TMEM266: variants seen among roughly 807,000 people sequenced by gnomAD.
TMEM266 encodes the protein transmembrane protein 266.
TMEM266 carries 33 observed loss-of-function variants against 50.5 expected under a neutral mutation model. The ratio of observed to expected loss-of-function variants is 0.65; its 90% CI spans 0.50 to 0.87. TMEM266 has a LOEUF of 0.87. Ranked by LOEUF, TMEM266 falls within the 40% of genes least tolerant of loss-of-function variation. The pLI is 0.00. For missense variants in TMEM266, 655 were observed against 695.1 expected (o/e 0.94, Z 0.65); for synonymous variants, 310 against 292.3 (o/e 1.06, Z -0.62).
intron 1 of TMEM266, among the ~76,000 whole-genome samples, chr15:76,086,743 T>C (rs1382516754): frequency 1.3e-5 from 2 of 152,120 alleles, no homozygotes; most frequent in African/African-American, 4.8e-5. Flanking sequence ...AGTTACAAAG[T>C]TATACCCTAT....
chr15:76,071,403 G>T (rs887065328), intron 1 of TMEM266, among the ~76,000 whole-genome samples: 7 of 152,152 alleles, frequency 4.6e-5, no homozygotes, highest in Non-Finnish European at 8.8e-5. Context: ...GAAAGATGAG[G>T]CATTCAAGGA....
At chr15:76,149,393 G>C (rs1380559849) in intron 3 of TMEM266, among the ~76,000 whole-genome samples, 1 of 152,084 alleles carries the variant, frequency 6.6e-6, no homozygotes, top group African/African-American at 2.4e-5. Context: ...ACCCTCCTGG[G>C]CCCAGTACCC....
chr15:76,203,738 C>T lies in TMEM266; in HGVS notation c.1022-3C>T, dbSNP rs2038787209. 6.2e-7 allele frequency: 1 copy of T among 1,609,110 alleles called. No individual in the cohort carries two copies. Among genetic ancestry groups the T allele is most frequent in the East Asian group, 2.2e-5 (1 of 44,794 alleles). ...GTGACCAAGATCCCCTCCTACCTTG[C>T]AGACAGCGGTGTCCCAGAGCCAGCT... On this transcript the variant is annotated splice_polypyrimidine_tract_variant and splice_region_variant and intron_variant, in intron 10 of 10. Coordinates refer to ENST00000388942, the MANE Select transcript of TMEM266 (RefSeq NM_152335.3).
rs760825951 is a variant in TMEM266, at chr15:76,204,132, G to C, written c.1413G>C (p.Ser471=). 1 of 1,613,290 alleles carries C rather than the reference G, an allele frequency of 6.2e-7. No individual in the cohort carries two copies. Among genetic ancestry groups the C allele is most frequent in the African/African-American group, 1.3e-5 (1 of 75,036 alleles). ...TCGCCCGGCCCAGCCCAGCGGGCTC[G>C]GCCCAAACCAGCCCCGAGCTGGAAC... Residue 471 remains serine, a synonymous_variant, in exon 11 of 11, where the codon TCG becomes TCC. Coordinates refer to ENST00000388942, the MANE Select transcript of TMEM266 (RefSeq NM_152335.3).
chr15:76,180,862 C>A (rs1261016491), intron 8 of TMEM266: 1 of 152,104 alleles, frequency 6.6e-6, no homozygotes, highest in African/African-American at 2.4e-5. Context: ...GATCCACCCG[C>A]CTCACCCTCC....
rs58869632 is a variant in TMEM266 at position 76,132,813 on chromosome 15, A to AATTATTATTATTATT, written c.-96-1332_-96-1318dup. Among the ~76,000 whole-genome samples the AATTATTATTATTATT allele has an allele frequency of 3.0e-4, 40 of 135,022 alleles. 1 individual carries two copies. Among genetic ancestry groups the AATTATTATTATTATT allele is most frequent in the Admixed American group, 1.8e-3 (24 of 13,032 alleles). The allele number at this position is 135,022 out of a possible 152,430, so 88.6% of individuals were successfully genotyped here. A position where few individuals can be genotyped will look rare whatever the true frequency, so the allele number is the denominator to read the frequency against. ...CTGTCTCTCAAATAATAATAATAGT[A>AATTATTATTATTATT]ATTATTATTATTATTATTATTATTA... On this transcript the variant is annotated intron_variant, in intron 1 of 10. Coordinates refer to ENST00000388942, the MANE Select transcript of TMEM266 (RefSeq NM_152335.3).
chr15:76,132,441 A>G (rs912921091), intron 1 of TMEM266, among the ~76,000 whole-genome samples: 2 of 152,142 alleles, frequency 1.3e-5, no homozygotes, highest in Non-Finnish European at 2.9e-5. Context: ...ATATTCAGCC[A>G]TCTAAATGTG....
Position 76,203,866 on chromosome 15 carries a change from A to T in TMEM266, c.1147A>T (p.Ser383Cys). Reference sequence around the variant, plus strand: ...CCTCAAACTCGGCGGTAATGGCACCAGCGCCACCTCGGAGAGTGCCTCCCG... The same window carrying T: ...CCTCAAACTCGGCGGTAATGGCACCTGCGCCACCTCGGAGAGTGCCTCCCG... The change falls in exon 11 of 11, where the codon AGC (serine) becomes TGC (cysteine). Residue 383 changes from serine (S) to cysteine (C), a missense_variant. By Grantham distance (112) the Ser-to-Cys change is moderately radical. This residue lies in a region of TMEM266 where 455 missense variants were observed against 401.8 expected (regional missense o/e 1.13). Transcript: ENST00000388942. 6.2e-7 allele frequency: 1 copy of T among 1,614,182 alleles called. No individual in the cohort carries two copies.
intron 8 of TMEM266, among the ~76,000 whole-genome samples, chr15:76,184,642 A>C (rs1354234789): frequency 6.6e-6 from 1 of 152,240 alleles, no homozygotes; most frequent in Non-Finnish European, 1.5e-5. Flanking sequence ...CAAAGTGTGC[A>C]TTGATCAGGA....
chr15:76,106,393 T>A (rs1267172071), intron 1 of TMEM266, among the ~76,000 whole-genome samples: 2 of 152,300 alleles, frequency 1.3e-5, no homozygotes, highest in East Asian at 1.9e-4. Flanking sequence ...ATTTATAGTA[T>A]ACAACATAAT....
chr15:76,162,352 G>A lies in TMEM266; in HGVS notation c.456+2184G>A, dbSNP rs945538539. Among the ~76,000 whole-genome samples the A allele has an allele frequency of 6.6e-5, 10 of 152,230 alleles. No individual in the cohort carries two copies. In the East Asian group the frequency reaches 1.9e-3, roughly 29 times the overall value. On this transcript the variant is annotated intron_variant, in intron 5 of 10. Coordinates refer to ENST00000388942, the MANE Select transcript of TMEM266 (RefSeq NM_152335.3). ...TACACACACAGCTCACACCACACTA[G>A]CAAGCACAGATTTCCATGGTCTTGC...
rs772464220 is a variant in TMEM266, at chr15:76,192,006, G to A, written c.807G>A (p.Gln269=). ...AGCTGCGCGCGCACCTGGCGCAGCA[G>A]GACCTGGACCTGGCTGCCGAGCGCG... is the stretch of plus-strand genomic sequence containing the variant. Residue 269 remains glutamine, a synonymous_variant, in exon 9 of 11, where the codon CAG becomes CAA. Coordinates refer to ENST00000388942, the MANE Select transcript of TMEM266 (RefSeq NM_152335.3). 1.1e-5 allele frequency: 18 copies of A among 1,580,022 alleles called. No individual in the cohort carries two copies. The highest frequency in any genetic ancestry group is 9.8e-5 in the East Asian group (4 of 40,814).
intron 7 of TMEM266, among the ~76,000 whole-genome samples, chr15:76,171,506 G>A (rs766136301): frequency 7.9e-5 from 12 of 152,182 alleles, no homozygotes; most frequent in Admixed American, 2.0e-4. Context: ...CTGGCTCCCC[G>A]ATGGCTGCCA....
chr15:76,132,813 A>AATCATTATT (rs748559421), intron 1 of TMEM266, among the ~76,000 whole-genome samples: 3 of 135,024 alleles, frequency 2.2e-5, no homozygotes, highest in Non-Finnish European at 4.7e-5. Flanking sequence ...TAATAATAGT[A>AATCATTATT]ATTATTATTA....
chr15:76,174,369 G>T (rs1440605625), intron 7 of TMEM266, among the ~76,000 whole-genome samples: 1 of 151,962 alleles, frequency 6.6e-6, no homozygotes, highest in Non-Finnish European at 1.5e-5. Context: ...TGGCCAACGT[G>T]GTGAAATCCC....
chr15:76,192,239 G>A, intron 9 of TMEM266, 82 bp downstream of exon 9: 1 of 1,275,460 alleles, frequency 7.8e-7, no homozygotes, highest in Non-Finnish European at 1.0e-6. Context: ...GGGACTGTGC[G>A]CAGAGTGGAT....
intron 8 of TMEM266, among the ~76,000 whole-genome samples, chr15:76,190,333 A>T (rs2038549571): frequency 6.6e-6 from 1 of 152,182 alleles, no homozygotes; most frequent in Admixed American, 6.5e-5. Flanking sequence ...GGATGAGACA[A>T]GTTGGTCAGG....
At chr15:76,197,770 C>T (rs1411711644) in intron 9 of TMEM266, among the ~76,000 whole-genome samples, 1 of 152,122 alleles carries the variant, frequency 6.6e-6, no homozygotes, top group African/African-American at 2.4e-5. Context: ...GGTTGGCGCC[C>T]CATGCCCCTC....
intron 1 of TMEM266, among the ~76,000 whole-genome samples, chr15:76,119,541 C>A (rs1005708550): frequency 2.6e-5 from 4 of 151,816 alleles, no homozygotes; most frequent in African/African-American, 4.8e-5. Flanking sequence ...CTGAGGTGGG[C>A]GGATCACTTG....
Sources: allele counts gnomAD v4.1 joint callset (sites outside exome capture counted in the v4.1 genomes callset), GRCh38; gene constraint gnomAD v4.1.1; regional missense constraint gnomAD v4.1.1; transcripts MANE v1.5; gene names NCBI Gene and HGNC (gene_info 2026-07-23, HGNC 2026-07-21).